Variants in AXDND1 observed in about 807,000 individuals in gnomAD.
The protein encoded by AXDND1 is axonemal dynein light chain domain-containing protein 1.
In AXDND1, 110 loss-of-function variants were observed where a neutral mutation model predicts 137.5. The ratio of observed to expected loss-of-function variants is 0.80; its 90% CI spans 0.69 to 0.94. The LOEUF (loss-of-function observed/expected upper bound fraction) is 0.94. Among genes scored for constraint, AXDND1 ranks in the 40% least tolerant of loss-of-function variants. AXDND1 has a pLI of 0.00. For missense variants in AXDND1, 1,191 were observed against 1,169.8 expected, an observed-to-expected ratio of 1.02 and a Z score of -0.26; for synonymous variants, 414 against 399.7, an observed-to-expected ratio of 1.04 and a Z score of -0.43.
chr1:179,414,487 T>C (rs970282182), intron 12 of AXDND1, among the ~76,000 whole-genome samples: 1 of 152,080 alleles, frequency 6.6e-6, no homozygotes, highest in Admixed American at 6.6e-5. Context: ...TGCAGTGGCA[T>C]GATCTCGGCT....
intron 18 of AXDND1, 45 bp from the exon 19 acceptor site, chr1:179,491,493 A>G: frequency 3.0e-6 from 4 of 1,312,328 alleles, no homozygotes; most frequent in Non-Finnish European, 4.3e-6. Flanking sequence ...TTACTGTTTG[A>G]TTTATTTAAA....
Position 179,534,947 on chromosome 1 carries a change from A to G in AXDND1, c.3016A>G (p.Lys1006Glu), listed in dbSNP as rs779648597. 3.1e-6 allele frequency: 5 copies of G among 1,605,822 alleles called. No individual in the cohort carries two copies. Among genetic ancestry groups the G allele is most frequent in the East Asian group, 4.5e-5 (2 of 44,780 alleles). Residue 1006 changes from lysine (K) to glutamate (E), a missense_variant, in exon 25 of 26, where the codon AAA becomes GAA. Physicochemically the swap from Lys to Glu is moderately conservative, Grantham distance 56. Coordinates refer to ENST00000367618, the MANE Select transcript of AXDND1 (RefSeq NM_144696.6). ...AGTCAGGTCAGCAGAAAATTCCTCAAAATCTCCAAAGAAAGGTAAGGATTG... is the reference window on the plus strand; with the variant it reads ...AGTCAGGTCAGCAGAAAATTCCTCAGAATCTCCAAAGAAAGGTAAGGATTG... The part of the protein sequence containing the change: ...EEVRSAENSS[K>E]SPKKGH
intron 14 of AXDND1, 73 bp from the exon 15 acceptor site, chr1:179,432,194 T>G: frequency 4.8e-6 from 7 of 1,450,016 alleles, no homozygotes; most frequent in Non-Finnish European, 6.4e-6. Context: ...TGTTTAGTCT[T>G]TAGTGTGTGA....
In AXDND1 at chr1:179,393,829, AT is replaced by A; in HGVS notation, c.864-72del. The stretch of plus-strand genomic sequence containing the variant: ...ATAGCAGTGCTACTGATTTGTGTAC[AT>A]TGATTTTGTAACCTGAGAATTTACT... On this transcript the variant is annotated intron_variant, in intron 9 of 25. Coordinates refer to ENST00000367618, the MANE Select transcript of AXDND1 (RefSeq NM_144696.6). 4 of 1,399,600 alleles carry A rather than the reference AT, an allele frequency of 2.9e-6. No individual in the cohort carries two copies. The South Asian group carries it at 6.0e-5, about 21-fold the overall frequency. The allele number at this position is 1,399,600 out of a possible 1,614,324, so 86.7% of individuals were successfully genotyped here.
chr1:179,393,797 T>C, intron 9 of AXDND1, 106 bp from the exon 10 acceptor site: 1 of 842,208 alleles, frequency 1.2e-6, no homozygotes, highest in Non-Finnish European at 1.7e-6. Context: ...CTTGGTTTTC[T>C]TGGTGTATAG....
At chr1:179,425,924 C>T (rs141011158) in intron 12 of AXDND1, among the ~76,000 whole-genome samples, 13,069 of 151,006 alleles carry the variant, frequency 0.087, 757 homozygotes, top group South Asian at 0.17. Flanking sequence ...GCAACCTCTG[C>T]CTCCCGGGTT....
At chr1:179,383,248 T>A (rs539912725) in intron 7 of AXDND1, among the ~76,000 whole-genome samples, 194 bp from the exon 8 acceptor site, 2 of 152,300 alleles carry the variant, frequency 1.3e-5, no homozygotes, top group African/African-American at 4.8e-5. Flanking sequence ...ATCATACTAT[T>A]TGCATTTTTC....
intron 14 of AXDND1, 121 bp downstream of exon 14, chr1:179,430,727 A>T: frequency 9.1e-7 from 1 of 1,100,120 alleles, no homozygotes; most frequent in South Asian, 1.6e-5. Context: ...TTTGGGGAGC[A>T]GTCCCTATGA....
At chr1:179,528,532 G>T (rs1670754911) in intron 23 of AXDND1, 101 bp downstream of exon 23, 3 of 629,876 alleles carry the variant, frequency 4.8e-6, no homozygotes, top group Non-Finnish European at 5.2e-6. Flanking sequence ...GGGGACCAGG[G>T]ATTCCTAAGT....
At chr1:179,471,469 C>T (rs1663926612) in intron 17 of AXDND1, among the ~76,000 whole-genome samples, 1 of 152,116 alleles carries the variant, frequency 6.6e-6, no homozygotes, top group Non-Finnish European at 1.5e-5. Context: ...CAATTTCATC[C>T]AAGTTATCTG....
At chr1:179,529,282 G>C (rs1336330816) in intron 23 of AXDND1, among the ~76,000 whole-genome samples, 1 of 152,186 alleles carries the variant, frequency 6.6e-6, no homozygotes, top group Non-Finnish European at 1.5e-5. Context: ...TGGATTGGGG[G>C]ATCAATAGAT....
At chr1:179,452,209 T>G (rs1660632589) in intron 16 of AXDND1, 1 of 152,646 alleles carries the variant, frequency 6.6e-6, no homozygotes, top group Admixed American at 6.5e-5. Context: ...ACTGGCAGCA[T>G]TTTGCCCCAT....
At chr1:179,425,483 G>C (rs1275067882) in intron 12 of AXDND1, among the ~76,000 whole-genome samples, 1 of 152,066 alleles carries the variant, frequency 6.6e-6, no homozygotes, top group Non-Finnish European at 1.5e-5. Context: ...TCTACCCTTT[G>C]TCTCTGCCTG....
intron 17 of AXDND1, among the ~76,000 whole-genome samples, chr1:179,481,724 T>C (rs528547537): frequency 4.5e-4 from 68 of 152,354 alleles, no homozygotes; most frequent in African/African-American, 1.6e-3. Flanking sequence ...TTTGCATTTC[T>C]CTGATGGCCA....
intron 21 of AXDND1, among the ~76,000 whole-genome samples, chr1:179,516,142 A>G (rs1367293496): frequency 6.6e-6 from 1 of 152,004 alleles, no homozygotes; most frequent in African/African-American, 2.4e-5. Context: ...GGCTTTGTTC[A>G]TATTTTCTTT....
intron 21 of AXDND1, among the ~76,000 whole-genome samples, chr1:179,521,805 G>T (rs1490181156): frequency 1.4e-5 from 2 of 143,916 alleles, no homozygotes; most frequent in Non-Finnish European, 3.0e-5. Context: ...TTCTGGGATG[G>T]TATTCTTTTC....
At chr1:179,387,691 A>T (rs1181882853) in intron 9 of AXDND1, among the ~76,000 whole-genome samples, 1 of 152,240 alleles carries the variant, frequency 6.6e-6, no homozygotes, top group African/African-American at 2.4e-5. Context: ...TAGGTGGGAC[A>T]AGAGCAGTGC....
At chr1:179,375,094 T>C (rs1028217936) in intron 4 of AXDND1, among the ~76,000 whole-genome samples, 1 of 150,152 alleles carries the variant, frequency 6.7e-6, no homozygotes, top group African/African-American at 2.5e-5. Flanking sequence ...ATATTCTTTA[T>C]TAATAAAAAA....
At chr1:179,511,056 A>G (rs1668996333) in intron 21 of AXDND1, among the ~76,000 whole-genome samples, 1 of 151,790 alleles carries the variant, frequency 6.6e-6, no homozygotes, top group Non-Finnish European at 1.5e-5. Context: ...AGTCCCAGCT[A>G]CTCAGGAGGC....
Sources: gnomAD v4.1 joint callset for allele counts (sites outside exome capture counted in the v4.1 genomes callset) on GRCh38, gnomAD v4.1.1 for gene constraint, MANE v1.5 for transcripts, NCBI Gene and HGNC (gene_info 2026-07-23, HGNC 2026-07-21) for gene names.